Variants in CNTNAP2 observed in about 807,000 individuals in gnomAD.
CNTNAP2 encodes contactin associated protein 2, also known as contactin-associated protein-like 2.
Under a neutral mutation model 155.2 loss-of-function variants are expected in CNTNAP2, and 98 were observed. That is an observed-to-expected ratio of 0.63 (90% CI 0.54 to 0.75). The LOEUF (loss-of-function observed/expected upper bound fraction) is 0.75, where lower values mean the gene tolerates loss of function less well. CNTNAP2 is among the 30% of genes least tolerant of loss of function. The pLI is 0.00. For synonymous variants in CNTNAP2, 651 were observed against 631.2 expected (o/e 1.03, Z -0.47); for missense variants, 1,727 against 1,688.1 (o/e 1.02, Z -0.40).
intron 20 of CNTNAP2, among the ~76,000 whole-genome samples, chr7:148,248,589 T>G (rs1347545277): frequency 6.6e-6 from 1 of 152,220 alleles, no homozygotes; most frequent in Non-Finnish European, 1.5e-5. Context: ...TATCTGTGGT[T>G]GTTTTTTTAA....
At chr7:147,507,483 G>A (rs1175022634) in intron 11 of CNTNAP2, among the ~76,000 whole-genome samples, 1 of 150,808 alleles carries the variant, frequency 6.6e-6, no homozygotes, top group Admixed American at 6.6e-5. Context: ...CTTCTATATT[G>A]GCAAATTGAT....
chr7:147,307,492 G>A (rs910210949), intron 9 of CNTNAP2, among the ~76,000 whole-genome samples: 12 of 152,136 alleles, frequency 7.9e-5, no homozygotes, highest in African/African-American at 2.7e-4. Flanking sequence ...GCTGAGGCAT[G>A]AGAATTGCTT....
At chr7:146,678,615 A>C (rs1298820572) in intron 1 of CNTNAP2, among the ~76,000 whole-genome samples, 1 of 152,210 alleles carries the variant, frequency 6.6e-6, no homozygotes, top group Non-Finnish European at 1.5e-5. Context: ...TATATTAGTA[A>C]GTCACAAATT....
intron 17 of CNTNAP2, among the ~76,000 whole-genome samples, chr7:148,163,212 G>T (rs1426819600): frequency 6.6e-6 from 1 of 152,168 alleles, no homozygotes; most frequent in African/African-American, 2.4e-5. Context: ...TATCCAGCCT[G>T]GGTGTGAGTT....
chr7:146,123,055 T>C (rs1042080000), intron 1 of CNTNAP2, among the ~76,000 whole-genome samples: 12 of 152,188 alleles, frequency 7.9e-5, no homozygotes, highest in Non-Finnish European at 1.2e-4. Flanking sequence ...TAACTGATTT[T>C]TTATGACACT....
chr7:147,509,347 A>C (rs10226360), intron 11 of CNTNAP2, among the ~76,000 whole-genome samples: 70,616 of 152,024 alleles, frequency 0.46, 17,480 homozygotes, highest in South Asian at 0.65. Flanking sequence ...ATACCAAAAA[A>C]CAGGACAGGA....
chr7:147,264,168 G>A (rs951858319), intron 8 of CNTNAP2, among the ~76,000 whole-genome samples: 1 of 152,216 alleles, frequency 6.6e-6, no homozygotes, highest in East Asian at 1.9e-4. Flanking sequence ...TGAAGTGAAC[G>A]CATGAAAAAT....
intron 14 of CNTNAP2, among the ~76,000 whole-genome samples, chr7:147,935,206 A>C (rs368880736): frequency 6.6e-6 from 1 of 151,916 alleles, no homozygotes; most frequent in Non-Finnish European, 1.5e-5. Flanking sequence ...GGCTCACTGC[A>C]ATCTGTGCCT....
At chr7:148,255,928 C>G (rs551817849) in intron 20 of CNTNAP2, among the ~76,000 whole-genome samples, 1 of 152,156 alleles carries the variant, frequency 6.6e-6, no homozygotes, top group South Asian at 2.1e-4. Context: ...GAATCTGAGA[C>G]GATCACTACC....
chr7:147,368,096 T>A (rs1345208213), intron 9 of CNTNAP2, among the ~76,000 whole-genome samples: 2 of 117,096 alleles, frequency 1.7e-5, no homozygotes, highest in African/African-American at 7.0e-5. Context: ...TCTCTCTCTG[T>A]CACACACACA....
At chr7:147,234,495 G>A (rs1057500903) in intron 8 of CNTNAP2, among the ~76,000 whole-genome samples, 1 of 151,816 alleles carries the variant, frequency 6.6e-6, no homozygotes, top group Non-Finnish European at 1.5e-5. Flanking sequence ...CTGACACCAT[G>A]CCCAGCTAAT....
Position 147,826,750 on chromosome 7 carries a change from G to T in CNTNAP2, c.2099-76815G>T, listed in dbSNP as rs181625603. ...AAAGGGCTTGGAATTTTTTTGAAGT[G>T]AAAAAATATGTGTAAAAAATGCATT... On this transcript the variant is annotated intron_variant, in intron 13 of 23. Transcript: ENST00000361727. 1.8e-3 allele frequency among the ~76,000 whole-genome samples: 280 copies of T among 152,122 alleles called. 1 individual carries two copies. The highest frequency in any genetic ancestry group is 6.4e-3 in the African/African-American group (267 of 41,532).
At chr7:146,775,578 G>A in intron 2 of CNTNAP2, among the ~76,000 whole-genome samples, 1 of 151,240 alleles carries the variant, frequency 6.6e-6, no homozygotes, top group East Asian at 1.9e-4. Context: ...GAAGGAGAAA[G>A]GGAGGGAGGG....
At chr7:146,993,899 T>C (rs1305287535) in intron 3 of CNTNAP2, among the ~76,000 whole-genome samples, 1 of 152,168 alleles carries the variant, frequency 6.6e-6, no homozygotes, top group Non-Finnish European at 1.5e-5. Flanking sequence ...ACATGTTTAG[T>C]ATTTTCCAGG....
chr7:148,226,179 G>A (rs575026382), intron 19 of CNTNAP2, among the ~76,000 whole-genome samples: 2 of 152,198 alleles, frequency 1.3e-5, no homozygotes, highest in African/African-American at 4.8e-5. Context: ...AAGTACAGGT[G>A]TTTCTGTAGC....
chr7:146,313,469 T>C (rs1800860567), intron 1 of CNTNAP2, among the ~76,000 whole-genome samples: 1 of 152,180 alleles, frequency 6.6e-6, no homozygotes, highest in Non-Finnish European at 1.5e-5. Flanking sequence ...AGGTGTATAG[T>C]TTGCGAATAT....
chr7:146,744,247 A>AAAAAAAAAAAC, intron 1 of CNTNAP2, among the ~76,000 whole-genome samples: 2 of 151,266 alleles, frequency 1.3e-5, no homozygotes, highest in Non-Finnish European at 3.0e-5. Context: ...AAAAAAAAAA[A>AAAAAAAAAAAC]AAAAGCATTT....
At chr7:148,121,733 A>G (rs1320850594) in intron 16 of CNTNAP2, among the ~76,000 whole-genome samples, 1 of 152,206 alleles carries the variant, frequency 6.6e-6, no homozygotes, top group Non-Finnish European at 1.5e-5. Context: ...GTCAGTGTAC[A>G]CTAAGTTAAT....
Position 148,231,213 on chromosome 7 carries a change from A to G in CNTNAP2, c.3381+1434A>G, listed in dbSNP as rs79985691. On this transcript the variant is annotated intron_variant, in intron 20 of 23. Coordinates refer to ENST00000361727, the MANE Select transcript of CNTNAP2 (RefSeq NM_014141.6). ...CCACAGTGAATTAGAGAAAGACTTGAGGAAGGGGAGAGGAGTGGATGATTT... is the reference window on the plus strand; with the variant it reads ...CCACAGTGAATTAGAGAAAGACTTGGGGAAGGGGAGAGGAGTGGATGATTT... Among the ~76,000 whole-genome samples the G allele has an allele frequency of 2.6e-5, 4 of 152,298 alleles. No homozygotes were observed. In the East Asian group the frequency reaches 7.7e-4, roughly 29 times the overall value.
Sources: gnomAD v4.1 joint callset for allele counts (sites outside exome capture counted in the v4.1 genomes callset) on GRCh38, gnomAD v4.1.1 for gene constraint, MANE v1.5 for transcripts, NCBI Gene and HGNC (gene_info 2026-07-23, HGNC 2026-07-21) for gene names.